The following ZBTB20 variants were observed in gnomAD, a reference collection of about 807,000 sequenced individuals.
ZBTB20 encodes zinc finger and BTB domain-containing protein 20.
Under a neutral mutation model 56.9 loss-of-function variants are expected in ZBTB20, and 9 were observed. That is an observed-to-expected ratio of 0.16 (90% confidence interval 0.10 to 0.28). The LOEUF (loss-of-function observed/expected upper bound fraction) is 0.28, where lower values mean the gene tolerates loss of function less well. ZBTB20 is among the 10% of genes least tolerant of loss of function. ZBTB20 has a pLI of 1.00. For synonymous variants in ZBTB20, 417 were observed against 420.7 expected, an observed-to-expected ratio of 0.99 and a Z score of 0.11; for missense variants, 655 against 1,003.0, an observed-to-expected ratio of 0.65 and a Z score of 4.69.
chr3:115,054,155 G>A (rs562992397), intron 2 of ZBTB20, among the ~76,000 whole-genome samples: 157 of 151,978 alleles, frequency 1.0e-3, no homozygotes, highest in African/African-American at 3.6e-3. Flanking sequence ...CTAAACTTAT[G>A]AAGAAACAAA....
At chr3:114,553,161 C>T (rs1279238593) in intron 6 of ZBTB20, among the ~76,000 whole-genome samples, 1 of 152,136 alleles carries the variant, frequency 6.6e-6, no homozygotes, top group Non-Finnish European at 1.5e-5. Flanking sequence ...AAGACTTCCA[C>T]AGCAATTGGA....
chr3:114,570,230 A>AT (rs547347778), intron 6 of ZBTB20, among the ~76,000 whole-genome samples: 5 of 149,980 alleles, frequency 3.3e-5, no homozygotes, highest in East Asian at 2.0e-4. Flanking sequence ...AGATCATAGA[A>AT]TTTTTTTTTT....
At chr3:114,352,062 G>T (rs2080727059) in intron 10 of ZBTB20, 184 bp from the exon 11 acceptor site, 2 of 775,746 alleles carry the variant, frequency 2.6e-6, no homozygotes, top group Non-Finnish European at 3.9e-6. Context: ...TGAGGGAAAA[G>T]GACCTTGAAT....
Position 114,351,067 on chromosome 3 carries a change from G to A in ZBTB20, c.1011C>T (p.Tyr337=). Residue 337 remains tyrosine, a synonymous_variant, in exon 11 of 12, where the codon TAC becomes TAT. Transcript: ENST00000675478. Reference sequence around the variant, plus strand: ...GCACCCTTTGCTGCCCGTAGTAGTCGTAATCGTCCTCCATCTCCTGCTTGA... The same window carrying A: ...GCACCCTTTGCTGCCCGTAGTAGTCATAATCGTCCTCCATCTCCTGCTTGA... The part of the protein sequence containing the change: ...IHIKQEMEDD[Y]DYYGQQRVQI... 8 of 1,611,278 alleles carry A rather than the reference G, an allele frequency of 5.0e-6. No homozygotes were observed. Among genetic ancestry groups the A allele is most frequent in the South Asian group, 1.1e-5 (1 of 90,960 alleles).
intron 6 of ZBTB20, among the ~76,000 whole-genome samples, chr3:114,515,676 C>T (rs2045906774): frequency 6.6e-6 from 1 of 152,188 alleles, no homozygotes. Context: ...ATGGCACTTC[C>T]TATCACTCCA....
At chr3:115,086,074 G>GGGCATTTTAATTA (rs2082976370) in intron 1 of ZBTB20, among the ~76,000 whole-genome samples, 1 of 151,830 alleles carries the variant, frequency 6.6e-6, no homozygotes, top group Non-Finnish European at 1.5e-5. Context: ...TACTTTGGTA[G>GGGCATTTTAATTA]GGCATTTTAA....
chr3:114,720,997 G>T (rs2064871550), intron 5 of ZBTB20, among the ~76,000 whole-genome samples: 1 of 152,138 alleles, frequency 6.6e-6, no homozygotes, highest in Non-Finnish European at 1.5e-5. Context: ...GATTTGGGAG[G>T]TGATAAGACA....
intron 6 of ZBTB20, among the ~76,000 whole-genome samples, chr3:114,625,713 T>C (rs567531507): frequency 4.1e-4 from 63 of 152,192 alleles, no homozygotes; most frequent in African/African-American, 1.3e-3. Context: ...GGGGCCAACA[T>C]AGACCTCCAT....
chr3:114,839,406 T>TGAAA (rs748321783), intron 4 of ZBTB20, among the ~76,000 whole-genome samples: 16,277 of 72,634 alleles, frequency 0.22, 2,162 homozygotes, highest in Admixed American at 0.28. Flanking sequence ...AGAGCCTGTC[T>TGAAA]GAAAGAAAGA....
chr3:114,841,406 G>T (rs931638468), intron 4 of ZBTB20, among the ~76,000 whole-genome samples: 4 of 152,164 alleles, frequency 2.6e-5, no homozygotes, highest in South Asian at 2.1e-4. Context: ...AGCATAGAAT[G>T]CTAGGGGGAA....
intron 7 of ZBTB20, among the ~76,000 whole-genome samples, chr3:114,422,770 T>A (rs971408034): frequency 6.6e-6 from 1 of 152,210 alleles, no homozygotes; most frequent in African/African-American, 2.4e-5. Flanking sequence ...AGAGCCTCAA[T>A]TTTTCCATTT....
intron 6 of ZBTB20, among the ~76,000 whole-genome samples, chr3:114,541,706 G>T (rs1409046159): frequency 6.6e-6 from 1 of 152,120 alleles, no homozygotes; most frequent in Non-Finnish European, 1.5e-5. Context: ...ATTCATGTGG[G>T]ATTAATGTTG....
chr3:114,803,740 T>C (rs568032640), intron 4 of ZBTB20, among the ~76,000 whole-genome samples: 1 of 150,774 alleles, frequency 6.6e-6, no homozygotes, highest in African/African-American at 2.4e-5. Flanking sequence ...TCAGGACAAA[T>C]ACCTTATTTT....
At chr3:114,454,211 A>AGAGAGAGAGAGAGAGAGAGAG (rs1317410658) in intron 7 of ZBTB20, among the ~76,000 whole-genome samples, 16 of 129,050 alleles carry the variant, frequency 1.2e-4, no homozygotes, top group East Asian at 2.4e-4. Context: ...AGAGAGAGAG[A>AGAGAGAGAGAGAGAGAGAGAG]AATTGGAGCT....
rs766758274 is a variant in ZBTB20 at position 114,681,632 on chromosome 3, T to A, written c.-295+11896A>T. 2.8e-4 allele frequency among the ~76,000 whole-genome samples: 43 copies of A among 152,348 alleles called. No individual in the cohort carries two copies. The Middle Eastern group carries it at 0.024, about 84-fold the overall frequency. On this transcript the variant is annotated intron_variant, in intron 6 of 11. Coordinates refer to ENST00000675478, the MANE Select transcript of ZBTB20 (RefSeq NM_001348800.3). ...TGGATTTGTATTTTAATAGAGGGTTTATGGAGTAGTGGGAAAGATAGCAAA... is the reference window on the plus strand; with the variant it reads ...TGGATTTGTATTTTAATAGAGGGTTAATGGAGTAGTGGGAAAGATAGCAAA...
At chr3:114,398,726 G>C (rs1400449172) in intron 7 of ZBTB20, among the ~76,000 whole-genome samples, 1 of 152,132 alleles carries the variant, frequency 6.6e-6, no homozygotes, top group Non-Finnish European at 1.5e-5. Context: ...TTGATGAAAA[G>C]AAAAAGGATA....
intron 3 of ZBTB20, among the ~76,000 whole-genome samples, chr3:114,967,997 T>C (rs1346590901): frequency 6.6e-6 from 1 of 151,442 alleles, no homozygotes; most frequent in Non-Finnish European, 1.5e-5. Context: ...GATGCTAGAG[T>C]TGTATAAAAG....
intron 7 of ZBTB20, among the ~76,000 whole-genome samples, chr3:114,491,891 C>A (rs1204458097): frequency 6.6e-6 from 1 of 152,126 alleles, no homozygotes; most frequent in Non-Finnish European, 1.5e-5. Context: ...ATTGTTTTGA[C>A]CACTTCAACA....
At chr3:114,597,536 T>G (rs1318317275) in intron 6 of ZBTB20, among the ~76,000 whole-genome samples, 1 of 152,180 alleles carries the variant, frequency 6.6e-6, no homozygotes, top group Non-Finnish European at 1.5e-5. Context: ...GTTTGTGCAT[T>G]TACTGTTCTA....
Sources: allele counts gnomAD v4.1 joint callset (sites outside exome capture counted in the v4.1 genomes callset), GRCh38; gene constraint gnomAD v4.1.1; transcripts MANE v1.5; gene names NCBI Gene and HGNC (gene_info 2026-07-23, HGNC 2026-07-21).